CREG2: variants seen among roughly 807,000 people sequenced by gnomAD.
The protein encoded by CREG2 is protein CREG2.
Under a neutral mutation model 26.2 loss-of-function variants are expected in CREG2, and 24 were observed. That is an observed-to-expected ratio of 0.92 (90% CI 0.66 to 1.29). CREG2 has a LOEUF of 1.29. Ranked by LOEUF, CREG2 falls within the 50% of genes most tolerant of loss-of-function variation. The pLI is 0.00. For synonymous variants in CREG2, 174 were observed against 169.2 expected (o/e 1.03, Z -0.22); for missense variants, 366 against 398.6 (o/e 0.92, Z 0.70).
intron 2 of CREG2, among the ~76,000 whole-genome samples, chr2:101,381,752 G>A (rs1684877567): frequency 6.6e-6 from 1 of 152,172 alleles, no homozygotes; most frequent in Non-Finnish European, 1.5e-5. Context: ...TTGGCCCCGG[G>A]GTGCTCACCT....
intron 2 of CREG2, among the ~76,000 whole-genome samples, chr2:101,357,899 C>T (rs1684485160): frequency 6.6e-6 from 1 of 150,728 alleles, no homozygotes; most frequent in South Asian, 2.1e-4. Flanking sequence ...ATGGCGTGAT[C>T]CTGGGAGGCG....
At chr2:101,363,466 G>T (rs922401024) in intron 2 of CREG2, among the ~76,000 whole-genome samples, 1 of 152,128 alleles carries the variant, frequency 6.6e-6, no homozygotes, top group Non-Finnish European at 1.5e-5. Context: ...CTTCACAAGG[G>T]ATGCGTTTTT....
chr2:101,377,345 T>A (rs1684808719), intron 2 of CREG2, among the ~76,000 whole-genome samples: 1 of 152,142 alleles, frequency 6.6e-6, no homozygotes, highest in Admixed American at 6.5e-5. Flanking sequence ...TGAAAATTGA[T>A]CCAATACGAT....
rs1684299864 is a variant in CREG2 at position 101,346,031 on chromosome 2, G to A, written c.*4892C>T. On this transcript the variant is annotated 3_prime_UTR_variant, in exon 4 of 4. Transcript: ENST00000324768. ...AATAAATATTTTTTGTAGAGATGAG[G>A]TCTCACTATGTTGCCCAGGCTGCTC... The A allele has an allele frequency of 6.8e-6, 1 of 147,992 alleles. No homozygotes were observed. The highest frequency in any genetic ancestry group is 1.5e-5 in the Non-Finnish European group (1 of 67,376). 9.2% of individuals were successfully genotyped at this position (147,992 alleles called of 1,614,324 possible).
chr2:101,368,749 A>G (rs1684655787), intron 2 of CREG2, among the ~76,000 whole-genome samples: 1 of 152,208 alleles, frequency 6.6e-6, no homozygotes, highest in African/African-American at 2.4e-5. Flanking sequence ...GTGTCTTATA[A>G]TAAAAGAGGC....
At chr2:101,380,655 T>A (rs1310849033) in intron 2 of CREG2, among the ~76,000 whole-genome samples, 1 of 152,208 alleles carries the variant, frequency 6.6e-6, no homozygotes, top group Non-Finnish European at 1.5e-5. Context: ...TTAAAAATGC[T>A]GTTGCAGGCC....
At chr2:101,351,361 C>A (rs544736257) in intron 3 of CREG2, among the ~76,000 whole-genome samples, 1 of 152,314 alleles carries the variant, frequency 6.6e-6, no homozygotes, top group East Asian at 1.9e-4. Flanking sequence ...TTGGCACTCA[C>A]AAGCCTCTGT....
Position 101,371,144 on chromosome 2 carries a change from G to A in CREG2, c.611+12389C>T, listed in dbSNP as rs4392281. Reference sequence around the variant, plus strand: ...GACCCATGACCCCTGCCCCCTCCCCGTAGAGGCCTCCATGGACCAAAGGAA... The same window carrying A: ...GACCCATGACCCCTGCCCCCTCCCCATAGAGGCCTCCATGGACCAAAGGAA... On this transcript the variant is annotated intron_variant, in intron 2 of 3. Coordinates refer to ENST00000324768, the MANE Select transcript of CREG2 (RefSeq NM_153836.4). 7.0e-3 allele frequency among the ~76,000 whole-genome samples: 1,073 copies of A among 152,212 alleles called. 16 individuals carry two copies. The highest frequency in any genetic ancestry group is 0.024 in the African/African-American group (1,012 of 41,530).
chr2:101,353,881 T>A (rs944820239), intron 3 of CREG2, among the ~76,000 whole-genome samples: 14 of 152,052 alleles, frequency 9.2e-5, no homozygotes, highest in African/African-American at 3.1e-4. Context: ...AACCAAACAC[T>A]GCATGTTCTC....
chr2:101,375,807 C>T (rs1263219780), intron 2 of CREG2: 1 of 154,200 alleles, frequency 6.5e-6, no homozygotes, highest in Non-Finnish European at 1.4e-5. Flanking sequence ...TGTTTTACTC[C>T]TGGACCTGCT....
At chr2:101,372,502 T>G (rs1409328775) in intron 2 of CREG2, among the ~76,000 whole-genome samples, 1 of 152,222 alleles carries the variant, frequency 6.6e-6, no homozygotes, top group Non-Finnish European at 1.5e-5. Flanking sequence ...TTTAGACACT[T>G]TCTTACCATT....
At chr2:101,374,813 C>T (rs535512361) in intron 2 of CREG2, among the ~76,000 whole-genome samples, 1 of 152,310 alleles carries the variant, frequency 6.6e-6, no homozygotes, top group East Asian at 1.9e-4. Context: ...TTCTTCCTAC[C>T]AGTATAGTTA....
chr2:101,353,175 G>A (rs1166264012), intron 3 of CREG2, among the ~76,000 whole-genome samples: 3 of 152,122 alleles, frequency 2.0e-5, no homozygotes, highest in African/African-American at 7.2e-5. Flanking sequence ...CAGATGGGTC[G>A]ATTGAAAAAA....
intron 2 of CREG2, among the ~76,000 whole-genome samples, chr2:101,375,386 A>T (rs1473025706): frequency 6.6e-6 from 1 of 152,162 alleles, no homozygotes; most frequent in Non-Finnish European, 1.5e-5. Context: ...GCCAAGAGCC[A>T]CTGGTCATGG....
At chr2:101,362,163 C>T (rs1573306145) in intron 2 of CREG2, among the ~76,000 whole-genome samples, 3 of 152,282 alleles carry the variant, frequency 2.0e-5, no homozygotes, top group Non-Finnish European at 4.4e-5. Context: ...TGGAAATCCC[C>T]CTAACTCTTC....
chr2:101,376,392 C>T (rs1684791667), intron 2 of CREG2, among the ~76,000 whole-genome samples: 1 of 151,990 alleles, frequency 6.6e-6, no homozygotes, highest in Admixed American at 6.6e-5. Context: ...ATTCTCATGC[C>T]TCAGCCTCCC....
At chr2:101,382,654 T>C (rs1573318743) in intron 2 of CREG2, 1 of 985,440 alleles carries the variant, frequency 1.0e-6, no homozygotes, top group Non-Finnish European at 1.2e-6. Flanking sequence ...GGATGCATCT[T>C]GCATTGTATA....
intron 2 of CREG2, among the ~76,000 whole-genome samples, chr2:101,372,840 C>T (rs1225465679): frequency 6.6e-6 from 1 of 152,148 alleles, no homozygotes; most frequent in Non-Finnish European, 1.5e-5. Flanking sequence ...TTTAAATAGA[C>T]AGTTCCCCAA....
At chr2:101,384,269 C>G (rs1684929019) in intron 1 of CREG2, among the ~76,000 whole-genome samples, 1 of 152,172 alleles carries the variant, frequency 6.6e-6, no homozygotes, top group Non-Finnish European at 1.5e-5. Flanking sequence ...AATAATATTT[C>G]ATTGTACGAC....
Sources: allele counts gnomAD v4.1 joint callset (sites outside exome capture counted in the v4.1 genomes callset), GRCh38; gene constraint gnomAD v4.1.1; transcripts MANE v1.5; gene names NCBI Gene and HGNC (gene_info 2026-07-23, HGNC 2026-07-21).